The following COL7A1 variants were observed in gnomAD, a reference collection of about 807,000 sequenced individuals.
COL7A1 encodes collagen type VII alpha 1 chain.
COL7A1 carries 296 observed loss-of-function variants against 456.2 expected under a neutral mutation model. That is an observed-to-expected ratio of 0.65 (90% CI 0.59 to 0.71). The LOEUF (loss-of-function observed/expected upper bound fraction) is 0.71, where lower values mean the gene tolerates loss of function less well. COL7A1 is among the 30% of genes least tolerant of loss of function. The pLI is 0.00. For missense variants in COL7A1, 3,441 were observed against 4,017.2 expected (o/e 0.86, Z 3.88); for synonymous variants, 1,464 against 1,525.9 (o/e 0.96, Z 0.95).
Position 48,567,675 on chromosome 3 carries a change from C to G in COL7A1, c.7983+35G>C. On this transcript the variant is annotated intron_variant, in intron 108 of 118. Transcript: ENST00000681320. This position sits in a 1 kb window ranked among gnomAD's most constrained non-coding sequence, Gnocchi z 4.3. Reference sequence around the variant, plus strand: ...GACATGAACTTGGCCCCCGTCCACCCGTGGCCCCCTCATTCTGAGCGTGCC... The same window carrying G: ...GACATGAACTTGGCCCCCGTCCACCGGTGGCCCCCTCATTCTGAGCGTGCC... 6.2e-7 allele frequency: 1 copy of G among 1,614,104 alleles called. No individual in the cohort carries two copies. Among genetic ancestry groups the G allele is most frequent in the Admixed American group, 1.7e-5 (1 of 60,028 alleles).
chr3:48,580,484 G>A lies in COL7A1; in HGVS notation c.5052+97C>T, dbSNP rs906847960. 1 of 1,491,414 alleles carries A rather than the reference G, an allele frequency of 6.7e-7. No individual in the cohort carries two copies. The highest frequency in any genetic ancestry group is 1.4e-5 in the African/African-American group (1 of 71,866). 92.4% of individuals were successfully genotyped at this position (1,491,414 alleles called of 1,614,324 possible). ...GGTCAAAGGAAGTGAAGATTGGGAG[G>A]GTTTAGCATTACAGGGTTGGGGGGT... is the stretch of plus-strand genomic sequence containing the variant. On this transcript the variant is annotated intron_variant, in intron 55 of 118. Coordinates refer to ENST00000681320, the MANE Select transcript of COL7A1 (RefSeq NM_000094.4). This position sits in a 1 kb window ranked among gnomAD's most constrained non-coding sequence, Gnocchi z 4.5.
At position 48,586,341 on chromosome 3, in the gene COL7A1, G is replaced by A; in HGVS notation, c.3541C>T (p.Gln1181Ter). 1 of 1,613,892 alleles carries A rather than the reference G, an allele frequency of 6.2e-7. No homozygotes were observed. The highest frequency in any genetic ancestry group is 2.2e-5 in the East Asian group (1 of 44,890). ...GDIFSPIREA[Q>*]ASGLNVVMLG... ...TCAGCCTACTCCTTACCAGAAGCCT[G>A]GGCCTCACGGATGGGGCTGAATATG... The change falls in exon 27 of 119, where the codon CAG becomes TAG. Residue 1181 changes from glutamine (Q) to a stop codon, truncating the protein, a stop_gained. Transcript: ENST00000681320. LOFTEE classifies it high-confidence loss of function. The surrounding 1 kb of genome is among the most constrained non-coding windows in gnomAD (Gnocchi z 5.1).
Position 48,572,925 on chromosome 3 carries a change from C to T in COL7A1, c.6768G>A (p.Pro2256=), listed in dbSNP as rs776048822. ...TGGCACCATCTCGACCTGGGGCTCC[C>T]GGCTTCCCTGTCTCCCCCTGAGAGG... is the stretch of plus-strand genomic sequence containing the variant. ...LPGQVGETGK[P]GAPGRDGASG... Residue 2256 remains proline, a synonymous_variant, in exon 87 of 119, where the codon CCG becomes CCA. Transcript: ENST00000681320. This position sits in a 1 kb window ranked among gnomAD's most constrained non-coding sequence, Gnocchi z 4.6. 22 of 1,613,996 alleles carry T rather than the reference C, an allele frequency of 1.4e-5. No homozygotes were observed. In the East Asian group the frequency reaches 1.6e-4, roughly 11 times the overall value.
chr3:48,583,532 A>C lies in COL7A1; in HGVS notation c.4401+24T>G, dbSNP rs376086581. On this transcript the variant is annotated intron_variant, in intron 41 of 118. Coordinates refer to ENST00000681320, the MANE Select transcript of COL7A1 (RefSeq NM_000094.4). The surrounding 1 kb of genome is among the most constrained non-coding windows in gnomAD (Gnocchi z 5.1). ...GGCTGGAGCTGTGCCCACCATATTCAGAATCCCTGGCCCCTCCACTCACCT... is the reference window on the plus strand; with the variant it reads ...GGCTGGAGCTGTGCCCACCATATTCCGAATCCCTGGCCCCTCCACTCACCT... 1.2e-6 allele frequency: 2 copies of C among 1,613,826 alleles called. No individual in the cohort carries two copies. Among genetic ancestry groups the C allele is most frequent in the Non-Finnish European group, 1.7e-6 (2 of 1,179,970 alleles).
rs2044489965 is a variant in COL7A1 at position 48,578,554 on chromosome 3, G to C, written c.5425-39C>G. On this transcript the variant is annotated intron_variant, in intron 63 of 118. Transcript: ENST00000681320. The surrounding 1 kb of genome is among the most constrained non-coding windows in gnomAD (Gnocchi z 4.7). ...TTGTTAAGATTTATAGGGCCTCTGA[G>C]ATATCCCTTGGGGCACACCCCATGG... 1 of 1,604,632 alleles carries C rather than the reference G, an allele frequency of 6.2e-7. No homozygotes were observed. Among genetic ancestry groups the C allele is most frequent in the African/African-American group, 1.3e-5 (1 of 74,734 alleles).
chr3:48,568,441 C>T lies in COL7A1; in HGVS notation c.7794+58G>A. ...AAAGCTACCACACTGGTGGGACCAC[C>T]ATGGTGACGGGGGCCCTCTGGGGAC... On this transcript the variant is annotated intron_variant, in intron 105 of 118. Transcript: ENST00000681320. This position sits in a 1 kb window ranked among gnomAD's most constrained non-coding sequence, Gnocchi z 5.2. 6.6e-7 allele frequency: 1 copy of T among 1,523,154 alleles called. No individual in the cohort carries two copies. The highest frequency in any genetic ancestry group is 1.4e-5 in the African/African-American group (1 of 72,836). 94.4% of individuals were successfully genotyped at this position (1,523,154 alleles called of 1,614,324 possible).
rs369912272 is a variant in COL7A1 at position 48,579,473 on chromosome 3, C to T, written c.5271+7G>A. 1.9e-6 allele frequency: 3 copies of T among 1,614,036 alleles called. No individual in the cohort carries two copies. The highest frequency in any genetic ancestry group is 2.7e-5 in the African/African-American group (2 of 74,926). ...ACTTGGCAGACGGGGCAAAGTGCAT[C>T]ACTCACCTGTGGGCCTGGGGGTCCC... On this transcript the variant is annotated splice_region_variant and intron_variant, in intron 60 of 118. Transcript: ENST00000681320. The surrounding 1 kb of genome is among the most constrained non-coding windows in gnomAD (Gnocchi z 4.4).
rs768176124 is a variant in COL7A1 at position 48,568,790 on chromosome 3, T to C, written c.7752A>G (p.Gly2584=). The C allele has an allele frequency of 6.4e-7, 1 of 1,567,990 alleles. No individual in the cohort carries two copies. Among genetic ancestry groups the C allele is most frequent in the South Asian group, 1.2e-5 (1 of 85,410 alleles). The part of the protein sequence containing the change: ...AGLPGLRGLL[G]PQGQPGAAGI... ...GGCCTGGGGCAGAACTTGCCTGGGGTCCCAGGAGTCCACGCAGTCCTGGCA... is the reference window on the plus strand; with the variant it reads ...GGCCTGGGGCAGAACTTGCCTGGGGCCCCAGGAGTCCACGCAGTCCTGGCA... The change falls in exon 104 of 119, where the codon GGA becomes GGG. Residue 2584 remains glycine (G), a synonymous_variant. Transcript: ENST00000681320. This position sits in a 1 kb window ranked among gnomAD's most constrained non-coding sequence, Gnocchi z 5.2.
rs376547620 is a variant in COL7A1 at position 48,573,668 on chromosome 3, G to A, written c.6573+22C>T. 6.1e-5 allele frequency: 99 copies of A among 1,612,490 alleles called. No homozygotes were observed. The Admixed American group carries it at 1.3e-3, about 20-fold the overall frequency. ...CCCAGCCCTTCCAGACCCTCACCAG[G>A]CAGTGTTCCCTGGTCACTCACCGGG... is the stretch of plus-strand genomic sequence containing the variant. On this transcript the variant is annotated intron_variant, in intron 82 of 118. Transcript: ENST00000681320. The surrounding 1 kb of genome is among the most constrained non-coding windows in gnomAD (Gnocchi z 5.5).
At chr3:48,589,853 A>T in intron 16 of COL7A1, 135 bp from the exon 17 acceptor site, 1 of 1,285,938 alleles carries the variant, frequency 7.8e-7, no homozygotes, top group South Asian at 1.2e-5. Flanking sequence ...CCAGTGGAGG[A>T]GTGGGGAGGT....
Position 48,583,021 on chromosome 3 carries a change from C to T in COL7A1, c.4510G>A (p.Gly1504Arg), listed in dbSNP as rs1286507876. 1.2e-6 allele frequency: 2 copies of T among 1,613,900 alleles called. No homozygotes were observed. The highest frequency in any genetic ancestry group is 1.7e-6 in the Non-Finnish European group (2 of 1,179,986). Residue 1504 changes from glycine to arginine, a missense_variant, in exon 44 of 119, where the codon GGA (glycine) becomes AGA (arginine). Around this residue, in one of 3 missense-constraint regions of COL7A1, gnomAD observed 2,084 missense variants for 2,501.3 expected, o/e 0.83. Transcript: ENST00000681320. This position sits in a 1 kb window ranked among gnomAD's most constrained non-coding sequence, Gnocchi z 5.1. The stretch of plus-strand genomic sequence containing the variant: ...GCAGCCAGTGGGTTTACCCGGGATC[C>T]CGCTGGGCCTGGGGGTCCACGTTCG... ...KGERGPPGPA[G>R]SRGLPGVAGR...
At position 48,587,745 on chromosome 3, in the gene COL7A1, G is replaced by T. The variant is rs769488190; in HGVS notation, c.2857+48C>A. ...TCAGAGTCGGGGTGCAGGAAGTCAGGGTGGGTCATCAGCAGGGGAGGAGCA... is the reference window on the plus strand; with the variant it reads ...TCAGAGTCGGGGTGCAGGAAGTCAGTGTGGGTCATCAGCAGGGGAGGAGCA... On this transcript the variant is annotated intron_variant, in intron 22 of 118. Coordinates refer to ENST00000681320, the MANE Select transcript of COL7A1 (RefSeq NM_000094.4). The surrounding 1 kb of genome is among the most constrained non-coding windows in gnomAD (Gnocchi z 6.1). 1.2e-6 allele frequency: 2 copies of T among 1,613,078 alleles called. No homozygotes were observed. Among genetic ancestry groups the T allele is most frequent in the African/African-American group, 2.7e-5 (2 of 74,866 alleles).
Position 48,568,050 on chromosome 3 carries a change from C to T in COL7A1, c.7875+40G>A. 1 of 1,613,196 alleles carries T rather than the reference C, an allele frequency of 6.2e-7. No homozygotes were observed. The highest frequency in any genetic ancestry group is 8.5e-7 in the Non-Finnish European group (1 of 1,179,122). ...GGTCCCTCGCCCTTCAACATTAGGC[C>T]TTCCTGACCAGAAAAAAACCAATCT... On this transcript the variant is annotated intron_variant, in intron 106 of 118. Transcript: ENST00000681320. This position sits in a 1 kb window ranked among gnomAD's most constrained non-coding sequence, Gnocchi z 5.2.
In COL7A1 at chr3:48,564,718, TC is replaced by T; in HGVS notation, c.8818+64del. On this transcript the variant is annotated intron_variant, in intron 118 of 118. Coordinates refer to ENST00000681320, the MANE Select transcript of COL7A1 (RefSeq NM_000094.4). This position sits in a 1 kb window ranked among gnomAD's most constrained non-coding sequence, Gnocchi z 6.0. Reference sequence around the variant, plus strand: ...CCTGGAACCCTGGCCCAAGGACTCCTCCCCCAGAACCCGATCCAGGCAGGCT... The same window carrying T: ...CCTGGAACCCTGGCCCAAGGACTCCTCCCCAGAACCCGATCCAGGCAGGCT... The T allele has an allele frequency of 6.5e-7, 1 of 1,543,868 alleles. No homozygotes were observed. The highest frequency in any genetic ancestry group is 1.2e-5 in the South Asian group (1 of 84,254).
chr3:48,594,340 G>A lies in COL7A1; in HGVS notation c.266+28C>T. 9 of 1,605,270 alleles carry A rather than the reference G, an allele frequency of 5.6e-6. No individual in the cohort carries two copies. The highest frequency in any genetic ancestry group is 7.6e-6 in the Non-Finnish European group (9 of 1,178,740). On this transcript the variant is annotated intron_variant, in intron 3 of 118. Coordinates refer to ENST00000681320, the MANE Select transcript of COL7A1 (RefSeq NM_000094.4). The surrounding 1 kb of genome is among the most constrained non-coding windows in gnomAD (Gnocchi z 5.5). ...AAGGAGTCTTGGTGGGGATCTCGTG[G>A]TCCCCAGCCCCCAGGGCCCCTACTC... is the stretch of plus-strand genomic sequence containing the variant.
rs772069423 is a variant in COL7A1, at chr3:48,578,561, C to G, written c.5425-46G>C. 1 of 1,598,674 alleles carries G rather than the reference C, an allele frequency of 6.3e-7. No individual in the cohort carries two copies. Among genetic ancestry groups the G allele is most frequent in the South Asian group, 1.1e-5 (1 of 90,716 alleles). On this transcript the variant is annotated intron_variant, in intron 63 of 118. Coordinates refer to ENST00000681320, the MANE Select transcript of COL7A1 (RefSeq NM_000094.4). The surrounding 1 kb of genome is among the most constrained non-coding windows in gnomAD (Gnocchi z 4.7). The stretch of plus-strand genomic sequence containing the variant: ...GATTTATAGGGCCTCTGAGATATCC[C>G]TTGGGGCACACCCCATGGACTAAGA...
chr3:48,590,627 G>C lies in COL7A1; in HGVS notation c.1781-43C>G, dbSNP rs754100542. ...AAGTCAGAAGTCAGAACCAGGACCA[G>C]AGTGAGGCAGGCAGCTGTCCTCCAC... is the stretch of plus-strand genomic sequence containing the variant. On this transcript the variant is annotated intron_variant, in intron 14 of 118. Transcript: ENST00000681320. The surrounding 1 kb of genome is among the most constrained non-coding windows in gnomAD (Gnocchi z 4.6). 3 of 1,614,026 alleles carry C rather than the reference G, an allele frequency of 1.9e-6. No individual in the cohort carries two copies. Among genetic ancestry groups the C allele is most frequent in the South Asian group, 1.1e-5 (1 of 91,082 alleles).
At position 48,592,819 on chromosome 3, in the gene COL7A1, G is replaced by A. The variant is rs35623035; in HGVS notation, c.802C>T (p.Pro268Ser). 5,978 of 1,613,798 alleles carry A rather than the reference G, an allele frequency of 3.7e-3. 19 individuals are homozygous for A. The highest frequency in any genetic ancestry group is 4.2e-3 in the Non-Finnish European group (4,991 of 1,180,042). Residue 268 changes from proline (P) to serine (S), a missense_variant, in exon 7 of 119, where the codon CCT (proline) becomes TCT (serine). Around this residue, in one of 3 missense-constraint regions of COL7A1, gnomAD observed 913 missense variants for 1,088.2 expected, o/e 0.84. Coordinates refer to ENST00000681320, the MANE Select transcript of COL7A1 (RefSeq NM_000094.4). This position sits in a 1 kb window ranked among gnomAD's most constrained non-coding sequence, Gnocchi z 7.6. ...AGTGGCTGTCCCAGCCCCGTCAGAG[G>A]AGTGTACTGGACCTTGTAGCCAGTC... is the stretch of plus-strand genomic sequence containing the variant. ...PVTGYKVQYT[P>S]LTGLGQPLPS...
At chr3:48,576,638 T>C in intron 68 of COL7A1, 38 bp downstream of exon 68, 1 of 1,592,908 alleles carries the variant, frequency 6.3e-7, no homozygotes, top group Non-Finnish European at 8.5e-7. Context: ...TCATGGCTTC[T>C]AATGCTCTGA....
Sources: allele counts gnomAD v4.1 joint callset, GRCh38; gene constraint gnomAD v4.1.1; regional missense constraint gnomAD v4.1.1; non-coding constraint Gnocchi (gnomAD v3.1); transcripts MANE v1.5; gene names NCBI Gene and HGNC (gene_info 2026-07-23, HGNC 2026-07-21).